AGPAT4: variants seen among roughly 807,000 people sequenced by gnomAD.
AGPAT4 encodes 1-acyl-sn-glycerol-3-phosphate acyltransferase delta.
A neutral mutation model predicts 48.0 loss-of-function variants in AGPAT4; 15 were observed. The ratio of observed to expected loss-of-function variants is 0.31; its 90% CI spans 0.21 to 0.48. The LOEUF (loss-of-function observed/expected upper bound fraction) is 0.48. Ranked by LOEUF, AGPAT4 falls within the 20% of genes least tolerant of loss-of-function variation. AGPAT4 has a pLI of 0.99. For missense variants in AGPAT4, 314 were observed against 482.5 expected, an observed-to-expected ratio of 0.65 and a Z score of 3.27; for synonymous variants, 178 against 198.7, an observed-to-expected ratio of 0.90 and a Z score of 0.88.
chr6:161,268,062 A>T (rs1416003081), intron 1 of AGPAT4, among the ~76,000 whole-genome samples: 1 of 152,146 alleles, frequency 6.6e-6, no homozygotes, highest in Non-Finnish European at 1.5e-5. Context: ...CCTTCTTATG[A>T]CCTAGCTGAG....
rs1781189669 is a variant in AGPAT4, at chr6:161,200,303, T to C, written c.178+31733A>G. On this transcript the variant is annotated intron_variant, in intron 2 of 8. Coordinates refer to ENST00000320285, the MANE Select transcript of AGPAT4 (RefSeq NM_020133.3). This position sits in a 1 kb window ranked among gnomAD's most constrained non-coding sequence, Gnocchi z 5.5. ...TCATGTAGAAAGCATTCGATAAGTG[T>C]TAACTAATATTTCACATTAAGGCCT... 6.6e-6 allele frequency among the ~76,000 whole-genome samples: 1 copy of C among 152,234 alleles called. No homozygotes were observed. The highest frequency in any genetic ancestry group is 2.1e-4 in the South Asian group (1 of 4,836).
chr6:161,260,193 A>G (rs1783059131), intron 1 of AGPAT4, among the ~76,000 whole-genome samples: 1 of 152,170 alleles, frequency 6.6e-6, no homozygotes, highest in Non-Finnish European at 1.5e-5. Context: ...AGCCCTTTCC[A>G]TAGGCGATGC....
Position 161,212,379 on chromosome 6 carries a change from T to A in AGPAT4, c.178+19657A>T, listed in dbSNP as rs4709504. Among the ~76,000 whole-genome samples, 104,718 of 152,018 alleles carry A rather than the reference T, an allele frequency of 0.69. 37,261 individuals carry two copies. Among genetic ancestry groups the A allele is most frequent in the African/African-American group, 0.87 (36,024 of 41,496 alleles). ...TGATATCAATAGTATTAAACCTTTGTTATTTGACAAACTTGCCAAAATCAA... is the reference window on the plus strand; with the variant it reads ...TGATATCAATAGTATTAAACCTTTGATATTTGACAAACTTGCCAAAATCAA... On this transcript the variant is annotated intron_variant, in intron 2 of 8. Coordinates refer to ENST00000320285, the MANE Select transcript of AGPAT4 (RefSeq NM_020133.3). This position sits in a 1 kb window ranked among gnomAD's most constrained non-coding sequence, Gnocchi z 6.1.
At position 161,155,904 on chromosome 6, in the gene AGPAT4, G is replaced by A. The variant is rs994246961; in HGVS notation, c.349-1594C>T. Among the ~76,000 whole-genome samples the A allele has an allele frequency of 2.0e-5, 3 of 152,238 alleles. No homozygotes were observed. Among genetic ancestry groups the A allele is most frequent in the Non-Finnish European group, 4.4e-5 (3 of 68,046 alleles). ...AGCCAGGAAGGGGCCACAGACTAAA[G>A]CAGCAGCTGTTGGCCCTGGGAAGGT... On this transcript the variant is annotated intron_variant, in intron 3 of 8. Coordinates refer to ENST00000320285, the MANE Select transcript of AGPAT4 (RefSeq NM_020133.3). This position sits in a 1 kb window ranked among gnomAD's most constrained non-coding sequence, Gnocchi z 5.8.
In AGPAT4 at chr6:161,143,883, A is replaced by G. The variant is rs1456208036; in HGVS notation, c.843+2641T>C. 1.0e-5 allele frequency: 3 copies of G among 301,278 alleles called. No individual in the cohort carries two copies. Among genetic ancestry groups the G allele is most frequent in the Non-Finnish European group, 2.0e-5 (3 of 152,620 alleles). 18.7% of individuals were successfully genotyped at this position (301,278 alleles called of 1,614,324 possible). A position where few individuals can be genotyped will look rare whatever the true frequency, so the allele number is the denominator to read the frequency against. On this transcript the variant is annotated intron_variant, in intron 7 of 8. Transcript: ENST00000320285. This position sits in a 1 kb window ranked among gnomAD's most constrained non-coding sequence, Gnocchi z 4.7. The stretch of plus-strand genomic sequence containing the variant: ...GTTGGCTGCCTGCCATTCCCCTCCC[A>G]TTTTGCAGAAACTTTACTTGTCCAT...
At chr6:161,257,197 G>A (rs537154333) in intron 1 of AGPAT4, among the ~76,000 whole-genome samples, 102 of 152,312 alleles carry the variant, frequency 6.7e-4, no homozygotes, top group Non-Finnish European at 1.2e-3. Flanking sequence ...ATCACCCGGT[G>A]AATAAAGAAG....
Position 161,233,570 on chromosome 6 carries a change from C to T in AGPAT4, c.-89-1268G>A, listed in dbSNP as rs141080083. Among the ~76,000 whole-genome samples the T allele has an allele frequency of 2.5e-3, 377 of 152,242 alleles. 4 individuals are homozygous for T. The highest frequency in any genetic ancestry group is 7.4e-3 in the African/African-American group (307 of 41,542). ...ATATCCATTCAGAGAAATTTTAATT[C>T]GAGGCCATACAACTCTTCTGTTTTT... On this transcript the variant is annotated intron_variant, in intron 1 of 8. Transcript: ENST00000320285. This position sits in a 1 kb window ranked among gnomAD's most constrained non-coding sequence, Gnocchi z 5.4.
chr6:161,194,492 A>ATG (rs10586791), intron 2 of AGPAT4, among the ~76,000 whole-genome samples: 4 of 147,782 alleles, frequency 2.7e-5, no homozygotes, highest in African/African-American at 4.9e-5. Context: ...GTATGTGTGT[A>ATG]TGTGTGTGTG....
chr6:161,176,240 A>G (rs1475904561), intron 2 of AGPAT4, among the ~76,000 whole-genome samples: 1 of 152,156 alleles, frequency 6.6e-6, no homozygotes, highest in Admixed American at 6.5e-5. Context: ...GTGGGGTGTT[A>G]AAGTCTCCCA....
intron 2 of AGPAT4, among the ~76,000 whole-genome samples, chr6:161,187,334 G>A (rs926687066): frequency 3.9e-5 from 6 of 151,990 alleles, no homozygotes; most frequent in South Asian, 4.1e-4. Flanking sequence ...TGTTCATTTC[G>A]TTGTTGTTGC....
chr6:161,263,387 A>T (rs1050307275), intron 1 of AGPAT4, among the ~76,000 whole-genome samples: 1 of 152,156 alleles, frequency 6.6e-6, no homozygotes, highest in Non-Finnish European at 1.5e-5. Flanking sequence ...GTTACTGGGG[A>T]GGCTCAGGCA....
rs1268185859 is a variant in AGPAT4 at position 161,131,162 on chromosome 6, A to T, written c.*5378T>A. On this transcript the variant is annotated 3_prime_UTR_variant, in exon 9 of 9. Transcript: ENST00000320285. ...CAAGACTGCCTTGTTTTAAAAAAAC[A>T]AATTAAATGTAAAAATTGTATGACT... The T allele has an allele frequency of 3.4e-6, 1 of 297,302 alleles. No homozygotes were observed. Among genetic ancestry groups the T allele is most frequent in the Non-Finnish European group, 6.8e-6 (1 of 148,098 alleles). 18.4% of individuals were successfully genotyped at this position (297,302 alleles called of 1,614,324 possible).
rs557721963 is a variant in AGPAT4, at chr6:161,219,764, T to G, written c.178+12272A>C. ...AATTTAGAGTGACTAAATTCCCTAT[T>G]TAAAACGTAAGGTCATTTCTTGTAC... On this transcript the variant is annotated intron_variant, in intron 2 of 8. Transcript: ENST00000320285. This position sits in a 1 kb window ranked among gnomAD's most constrained non-coding sequence, Gnocchi z 4.9. Among the ~76,000 whole-genome samples the G allele has an allele frequency of 6.6e-6, 1 of 151,800 alleles. No homozygotes were observed. Among genetic ancestry groups the G allele is most frequent in the Admixed American group, 6.6e-5 (1 of 15,220 alleles).
chr6:161,171,695 C>G lies in AGPAT4; in HGVS notation c.179-5278G>C, dbSNP rs2114984570. 6.6e-6 allele frequency among the ~76,000 whole-genome samples: 1 copy of G among 151,558 alleles called. No homozygotes were observed. Among genetic ancestry groups the G allele is most frequent in the Non-Finnish European group, 1.5e-5 (1 of 67,932 alleles). ...ACAAGGTCAGGAGATCGAGACCATC[C>G]TGGCTAACACAGTGAAACCCTGTCT... On this transcript the variant is annotated intron_variant, in intron 2 of 8. Coordinates refer to ENST00000320285, the MANE Select transcript of AGPAT4 (RefSeq NM_020133.3). This position sits in a 1 kb window ranked among gnomAD's most constrained non-coding sequence, Gnocchi z 4.4.
rs1780042028 is a variant in AGPAT4, at chr6:161,164,666, G to A, written c.348+1582C>T. 6.6e-6 allele frequency among the ~76,000 whole-genome samples: 1 copy of A among 152,176 alleles called. No individual in the cohort carries two copies. Among genetic ancestry groups the A allele is most frequent in the African/African-American group, 2.4e-5 (1 of 41,454 alleles). On this transcript the variant is annotated intron_variant, in intron 3 of 8. Coordinates refer to ENST00000320285, the MANE Select transcript of AGPAT4 (RefSeq NM_020133.3). This position sits in a 1 kb window ranked among gnomAD's most constrained non-coding sequence, Gnocchi z 7.4. ...GGCTCTGGGGGTTTATTTATAAAAT[G>A]TGGATAATAATATCCTAAGGATTAG... is the stretch of plus-strand genomic sequence containing the variant.
rs1783469164 is a variant in AGPAT4 at position 161,272,874 on chromosome 6, C to A, written c.-90+1064G>T. Among the ~76,000 whole-genome samples, 1 of 152,130 alleles carries A rather than the reference C, an allele frequency of 6.6e-6. No individual in the cohort carries two copies. Among genetic ancestry groups the A allele is most frequent in the Non-Finnish European group, 1.5e-5 (1 of 68,034 alleles). On this transcript the variant is annotated intron_variant, in intron 1 of 8. Coordinates refer to ENST00000320285, the MANE Select transcript of AGPAT4 (RefSeq NM_020133.3). This position sits in a 1 kb window ranked among gnomAD's most constrained non-coding sequence, Gnocchi z 4.2. ...AAGAGAGTGAATAGCGTGGCTAATCCATCTAAGAACAATGCACGAAAACGA... is the reference window on the plus strand; with the variant it reads ...AAGAGAGTGAATAGCGTGGCTAATCAATCTAAGAACAATGCACGAAAACGA...
rs1779055254 is a variant in AGPAT4, at chr6:161,136,089, C to CTTTAA, written c.*446_*450dup. 1 of 172,668 alleles carries CTTTAA rather than the reference C, an allele frequency of 5.8e-6. No individual in the cohort carries two copies. Among genetic ancestry groups the CTTTAA allele is most frequent in the African/African-American group, 2.4e-5 (1 of 41,738 alleles). The allele number at this position is 172,668 out of a possible 1,614,324, so 10.7% of individuals were successfully genotyped here. On this transcript the variant is annotated 3_prime_UTR_variant, in exon 9 of 9. Transcript: ENST00000320285. ...ACACCACAGATGACCCAGAAAAGCA[C>CTTTAA]TTTAATTTTTTTTTCTTGGAGGCAT...
intron 1 of AGPAT4, among the ~76,000 whole-genome samples, chr6:161,258,701 G>A (rs1783009672): frequency 6.6e-6 from 1 of 151,844 alleles, no homozygotes; most frequent in African/African-American, 2.4e-5. Context: ...TCCACAGAGA[G>A]TCATTACTCA....
chr6:161,139,295 T>C lies in AGPAT4; in HGVS notation c.1042+127A>G, dbSNP rs917838754. On this transcript the variant is annotated intron_variant, in intron 8 of 8. Transcript: ENST00000320285. This position sits in a 1 kb window ranked among gnomAD's most constrained non-coding sequence, Gnocchi z 9.1. ...CCTGAAGTCTAATCTTTCCCTGTGA[T>C]TGCAAGCTGAGCCTGCTCCTCATCC... The C allele has an allele frequency of 9.3e-6, 10 of 1,080,562 alleles. No homozygotes were observed. The East Asian group carries it at 9.6e-5, about 10-fold the overall frequency. The allele number at this position is 1,080,562 out of a possible 1,614,324, so 66.9% of individuals were successfully genotyped here. A position where few individuals can be genotyped will look rare whatever the true frequency, so the allele number is the denominator to read the frequency against.
Sources: allele counts gnomAD v4.1 joint callset (sites outside exome capture counted in the v4.1 genomes callset), GRCh38; gene constraint gnomAD v4.1.1; non-coding constraint Gnocchi (gnomAD v3.1); transcripts MANE v1.5; gene names NCBI Gene and HGNC (gene_info 2026-07-23, HGNC 2026-07-21).